AGBL1: variants seen among roughly 807,000 people sequenced by gnomAD.
AGBL1 encodes the protein cytosolic carboxypeptidase 4.
AGBL1 carries 130 observed loss-of-function variants against 118.9 expected under a neutral mutation model. The observed-to-expected ratio is 1.09, with a 90% CI of 0.95 to 1.26. AGBL1 has a LOEUF of 1.26. Ranked by LOEUF, AGBL1 falls within the 50% of genes most tolerant of loss-of-function variation. The pLI is 0.00. For missense variants in AGBL1, 1,584 were observed against 1,298.1 expected (o/e 1.22, Z -3.38); for synonymous variants, 555 against 478.9 (o/e 1.16, Z -2.08).
At chr15:87,029,616 C>T (rs1489339078), downstream of AGBL1, among the ~76,000 whole-genome samples, 2 of 151,780 alleles carry the variant, frequency 1.3e-5, no homozygotes, top group Admixed American at 6.6e-5. Context: ...GTTATATGTC[C>T]ATTTTATAAT....
At chr15:86,820,288 A>C (rs971315643) in intron 22 of AGBL1, among the ~76,000 whole-genome samples, 3 of 152,230 alleles carry the variant, frequency 2.0e-5, no homozygotes, top group East Asian at 3.9e-4. Context: ...CAAAATTGAC[A>C]AATGGGAACC....
chr15:86,262,694 G>A (rs200100351), intron 9 of AGBL1, 84 bp from the exon 10 acceptor site: 48 of 925,366 alleles, frequency 5.2e-5, no homozygotes, highest in Non-Finnish European at 8.0e-5. Flanking sequence ...CTAAGATTCT[G>A]AAGAAGCACA....
At chr15:86,564,602 A>G (rs2083883661) in intron 21 of AGBL1, among the ~76,000 whole-genome samples, 1 of 151,980 alleles carries the variant, frequency 6.6e-6, no homozygotes, top group African/African-American at 2.4e-5. Context: ...TCTGACAATT[A>G]TGTGTCTTCG....
intron 1 of AGBL1, 94 bp from the exon 2 acceptor site, chr15:86,141,910 A>G (rs1043232388): frequency 1.1e-5 from 14 of 1,244,258 alleles, no homozygotes; most frequent in Admixed American, 4.4e-5. Flanking sequence ...TCTCCATGAC[A>G]GGAAGTAGAG....
chr15:86,498,652 A>T lies in AGBL1; in HGVS notation c.2556-24158A>T, dbSNP rs146930603. ...TTGTTTAAGATATTTCTATACCCATAATTTTTTAAAGTCTTCATACATCCC... is the reference window on the plus strand; with the variant it reads ...TTGTTTAAGATATTTCTATACCCATTATTTTTTAAAGTCTTCATACATCCC... On this transcript the variant is annotated intron_variant, in intron 18 of 22. Transcript: ENST00000614907. Among the ~76,000 whole-genome samples, 70 of 152,030 alleles carry T rather than the reference A, an allele frequency of 4.6e-4. 1 individual carries two copies. In the East Asian group the frequency reaches 9.3e-3, roughly 20 times the overall value.
intron 21 of AGBL1, among the ~76,000 whole-genome samples, chr15:86,655,047 G>A (rs142714520): frequency 6.6e-6 from 1 of 152,284 alleles, no homozygotes; most frequent in African/African-American, 2.4e-5. Flanking sequence ...GCCAGAAAAG[G>A]TGATGCATCT....
chr15:86,791,136 G>T (rs980791560), intron 22 of AGBL1, among the ~76,000 whole-genome samples: 8 of 152,186 alleles, frequency 5.3e-5, no homozygotes, highest in Non-Finnish European at 5.9e-5. Context: ...AACGTAAAAT[G>T]ATTTGCCACA....
At chr15:86,490,608 T>A (rs1369047754) in intron 18 of AGBL1, among the ~76,000 whole-genome samples, 1 of 152,138 alleles carries the variant, frequency 6.6e-6, no homozygotes, top group Non-Finnish European at 1.5e-5. Flanking sequence ...AAGTCCAACA[T>A]GAGGATTTGC....
At chr15:86,300,689 C>T (rs111933977) in intron 17 of AGBL1, among the ~76,000 whole-genome samples, 5 of 152,312 alleles carry the variant, frequency 3.3e-5, no homozygotes, top group African/African-American at 1.2e-4. Flanking sequence ...GCCACAGTCT[C>T]CTATGGCTCA....
At chr15:86,349,746 G>C (rs1496880) in intron 17 of AGBL1, among the ~76,000 whole-genome samples, 31,900 of 152,130 alleles carry the variant, frequency 0.21, 3,481 homozygotes, top group African/African-American at 0.22. Flanking sequence ...CCTTAAGTTT[G>C]AGATGTCTGT....
intron 23 of AGBL1, among the ~76,000 whole-genome samples, chr15:86,952,795 G>A (rs546071071): frequency 6.6e-6 from 1 of 152,028 alleles, no homozygotes; most frequent in African/African-American, 2.4e-5. Context: ...GATTTTTAAA[G>A]AATTTTTAGA....
intron 18 of AGBL1, among the ~76,000 whole-genome samples, chr15:86,450,212 T>C (rs1396037809): frequency 6.6e-6 from 1 of 152,226 alleles, no homozygotes; most frequent in Non-Finnish European, 1.5e-5. Context: ...GATTTGACTG[T>C]TAGCTATCTA....
intron 18 of AGBL1, among the ~76,000 whole-genome samples, chr15:86,410,837 TA>T (rs1314677655): frequency 9.9e-6 from 1 of 101,190 alleles, no homozygotes; most frequent in Non-Finnish European, 1.9e-5. Flanking sequence ...TATATATATA[TA>T]TATAATATAC....
At chr15:86,514,648 T>G (rs188739781) in intron 18 of AGBL1, among the ~76,000 whole-genome samples, 1 of 152,070 alleles carries the variant, frequency 6.6e-6, no homozygotes, top group Admixed American at 6.6e-5. Context: ...TAGACAAAAA[T>G]ATATGCTCAG....
At chr15:86,563,711 G>A (rs1308928930) in intron 21 of AGBL1, among the ~76,000 whole-genome samples, 1 of 152,126 alleles carries the variant, frequency 6.6e-6, no homozygotes, top group Non-Finnish European at 1.5e-5. Flanking sequence ...TTGTTGGTCT[G>A]TCTAATGTTG....
intron 22 of AGBL1, among the ~76,000 whole-genome samples, chr15:86,825,387 T>TTAAAAAAAAAAAAAAAAAA (rs2078992865): frequency 9.0e-5 from 1 of 11,128 alleles, no homozygotes; most frequent in Non-Finnish European, 1.3e-4. Flanking sequence ...GTAGAAACTG[T>TTAAAAAAAAAAAAAAAAAA]AAAAAAAAAA....
chr15:86,957,781 T>A (rs1387299445), intron 23 of AGBL1, among the ~76,000 whole-genome samples: 1 of 152,172 alleles, frequency 6.6e-6, no homozygotes, highest in African/African-American at 2.4e-5. Flanking sequence ...GTCGTATTAA[T>A]CTATAAGTTA....
At position 86,540,258 on chromosome 15, in the gene AGBL1, T is replaced by C. The variant is rs531470756; in HGVS notation, c.2686-5744T>C. Among the ~76,000 whole-genome samples the C allele has an allele frequency of 4.6e-5, 7 of 152,324 alleles. No homozygotes were observed. In the South Asian group the frequency reaches 1.5e-3, roughly 32 times the overall value. On this transcript the variant is annotated intron_variant, in intron 19 of 22. Transcript: ENST00000614907. ...TTAACTTCTCCTATTACGTAGCAGTTACCCAGTAAATATTTGTTGAATCAA... is the reference window on the plus strand; with the variant it reads ...TTAACTTCTCCTATTACGTAGCAGTCACCCAGTAAATATTTGTTGAATCAA...
intron 16 of AGBL1, among the ~76,000 whole-genome samples, chr15:86,285,388 C>G (rs1223729788): frequency 2.0e-5 from 3 of 152,028 alleles, no homozygotes; most frequent in Non-Finnish European, 4.4e-5. Context: ...AATTTTAGGT[C>G]CCATAATTCT....
Sources: allele counts gnomAD v4.1 joint callset (sites outside exome capture counted in the v4.1 genomes callset), GRCh38; gene constraint gnomAD v4.1.1; transcripts MANE v1.5; gene names NCBI Gene and HGNC (gene_info 2026-07-23, HGNC 2026-07-21).